FOXP4: variants seen among roughly 807,000 people sequenced by gnomAD.
FOXP4 encodes forkhead box protein P4.
Under a neutral mutation model 82.6 loss-of-function variants are expected in FOXP4, and 25 were observed. The observed-to-expected ratio is 0.30, with a 90% CI of 0.22 to 0.42. The LOEUF is 0.42. Ranked by LOEUF, FOXP4 falls within the 10% of genes least tolerant of loss-of-function variation. The probability of loss-of-function intolerance (pLI) is 1.00; values close to 1 mark genes in which losing one functional copy is unlikely to be tolerated. For missense variants in FOXP4, 785 were observed against 900.9 expected, an observed-to-expected ratio of 0.87 and a Z score of 1.65; for synonymous variants, 415 against 388.2, an observed-to-expected ratio of 1.07 and a Z score of -0.81.
At position 41,589,874 on chromosome 6, in the gene FOXP4, C is replaced by T. The variant is rs760611968; in HGVS notation, c.1149+20C>T. On this transcript the variant is annotated intron_variant, in intron 10 of 16. Coordinates refer to ENST00000307972, the MANE Select transcript of FOXP4 (RefSeq NM_001012426.2). Reference sequence around the variant, plus strand: ...CAGCCAGTGAGTGCTGCTCCCCTCCCCGCCCCTCCCAGAGCCTTCCACAGA... The same window carrying T: ...CAGCCAGTGAGTGCTGCTCCCCTCCTCGCCCCTCCCAGAGCCTTCCACAGA... 6.8e-6 allele frequency: 11 copies of T among 1,610,950 alleles called. No individual in the cohort carries two copies. Among genetic ancestry groups the T allele is most frequent in the Middle Eastern group, 1.7e-4 (1 of 6,060 alleles).
At chr6:41,592,450 C>T (rs1469214877) in intron 13 of FOXP4, among the ~76,000 whole-genome samples, 1 of 152,186 alleles carries the variant, frequency 6.6e-6, no homozygotes, top group Non-Finnish European at 1.5e-5. Context: ...TTCTGCCAAC[C>T]ACATTCCTGC....
chr6:41,579,051 C>A (rs568101308), intron 3 of FOXP4, among the ~76,000 whole-genome samples: 214 of 152,150 alleles, frequency 1.4e-3, no homozygotes, highest in Non-Finnish European at 2.6e-3. Flanking sequence ...CAGAGAAGGA[C>A]CCAGGACCAG....
At chr6:41,568,636 A>G (rs938143334) in intron 2 of FOXP4, among the ~76,000 whole-genome samples, 1 of 152,118 alleles carries the variant, frequency 6.6e-6, no homozygotes, top group African/African-American at 2.4e-5. Flanking sequence ...ACTCGATAGG[A>G]AGTGGGGTAG....
chr6:41,550,284 C>T (rs1040800031), intron 1 of FOXP4, among the ~76,000 whole-genome samples: 9 of 152,180 alleles, frequency 5.9e-5, no homozygotes, highest in Non-Finnish European at 1.2e-4. Context: ...ATAATACCCA[C>T]CTTAGAGATT....
At chr6:41,586,791 CGCGTGCGT>C (rs552889054) in intron 5 of FOXP4, among the ~76,000 whole-genome samples, 273 of 152,134 alleles carry the variant, frequency 1.8e-3, no homozygotes, top group African/African-American at 6.1e-3. Flanking sequence ...TGTGTTTGCG[CGCGTGCGT>C]GCGTGCGTGC....
chr6:41,587,219 C>T, intron 6 of FOXP4, 63 bp downstream of exon 6: 19 of 1,607,778 alleles, frequency 1.2e-5, no homozygotes, highest in Non-Finnish European at 1.6e-5. Flanking sequence ...TACGCAACAG[C>T]TGGCAGCCCC....
At chr6:41,584,377 TG>T (rs1765973067) in intron 3 of FOXP4, among the ~76,000 whole-genome samples, 1 of 152,228 alleles carries the variant, frequency 6.6e-6, no homozygotes, top group African/African-American at 2.4e-5. Context: ...TCCCCATTAC[TG>T]GGGGGAACCA....
chr6:41,560,391 A>G (rs1764500204), intron 1 of FOXP4, among the ~76,000 whole-genome samples: 1 of 152,198 alleles, frequency 6.6e-6, no homozygotes, highest in African/African-American at 2.4e-5. Context: ...CCCAGACTAT[A>G]TTATAGGTTT....
rs1764398180 is a variant in FOXP4 at position 41,558,432 on chromosome 6, C to T, written c.-16-7313C>T. Among the ~76,000 whole-genome samples, 2 of 152,170 alleles carry T rather than the reference C, an allele frequency of 1.3e-5. No individual in the cohort carries two copies. The highest frequency in any genetic ancestry group is 4.8e-5 in the African/African-American group (2 of 41,430). The stretch of plus-strand genomic sequence containing the variant: ...GTGGGTTGTAGCAAGACTTTCTGGA[C>T]TCCTGTAATTATAGTCACTACCCTT... On this transcript the variant is annotated intron_variant, in intron 1 of 16. Transcript: ENST00000307972. This position sits in a 1 kb window ranked among gnomAD's most constrained non-coding sequence, Gnocchi z 4.0.
intron 1 of FOXP4, 73 bp from the exon 2 acceptor site, chr6:41,565,672 T>C (rs1764832037): frequency 6.5e-6 from 9 of 1,380,282 alleles, no homozygotes; most frequent in Non-Finnish European, 7.9e-6. Flanking sequence ...GGTTATGTTT[T>C]TGGGGGTCAG....
In FOXP4 at chr6:41,567,865, C is replaced by T. The variant is rs529843986; in HGVS notation, c.204+1901C>T. On this transcript the variant is annotated intron_variant, in intron 2 of 16. Transcript: ENST00000307972. ...CCTGGAAAATCCTATATCTGTTTCA[C>T]AAATAAACTGGGGTGGGGAGTTGGA... Among the ~76,000 whole-genome samples, 4 of 152,266 alleles carry T rather than the reference C, an allele frequency of 2.6e-5. No homozygotes were observed. In the East Asian group the frequency reaches 5.8e-4, roughly 22 times the overall value.
rs1767237026 is a variant in FOXP4 at position 41,602,167 on chromosome 6, C to T, written c.*3231C>T. On this transcript the variant is annotated 3_prime_UTR_variant, in exon 17 of 17. Transcript: ENST00000307972. Reference sequence around the variant, plus strand: ...CTTGTGTAGGGCCTGGGGTGAATTCCCTGTCCCCCATGGTACCTCGAGAGG... The same window carrying T: ...CTTGTGTAGGGCCTGGGGTGAATTCTCTGTCCCCCATGGTACCTCGAGAGG... The T allele has an allele frequency of 6.6e-6, 1 of 152,226 alleles. No homozygotes were observed. Among genetic ancestry groups the T allele is most frequent in the African/African-American group, 2.4e-5 (1 of 41,440 alleles). 9.4% of individuals were successfully genotyped at this position (152,226 alleles called of 1,614,324 possible).
intron 5 of FOXP4, among the ~76,000 whole-genome samples, chr6:41,586,106 G>A (rs1162627422): frequency 2.6e-5 from 4 of 151,916 alleles, no homozygotes; most frequent in Non-Finnish European, 4.4e-5. Flanking sequence ...CTGCCCAACC[G>A]CAGCCCCAAG....
intron 13 of FOXP4, among the ~76,000 whole-genome samples, chr6:41,592,088 G>A (rs1766550173): frequency 6.6e-6 from 1 of 152,014 alleles, no homozygotes; most frequent in African/African-American, 2.4e-5. Flanking sequence ...GAGAGTGTTC[G>A]CCCCTGCAGG....
At chr6:41,547,320 A>G (rs1763696425) in intron 1 of FOXP4, 2 of 151,918 alleles carry the variant, frequency 1.3e-5, no homozygotes, top group South Asian at 4.2e-4. Context: ...CCCGAGTCAG[A>G]CAAAGAATAC....
At chr6:41,551,614 A>G (rs945309076) in intron 1 of FOXP4, among the ~76,000 whole-genome samples, 1 of 152,216 alleles carries the variant, frequency 6.6e-6, no homozygotes, top group Admixed American at 6.5e-5. Flanking sequence ...TCTGTGACCC[A>G]GGCTACCATG....
rs1304991714 is a variant in FOXP4 at position 41,549,181 on chromosome 6, C to A, written c.-17+2314C>A. Among the ~76,000 whole-genome samples the A allele has an allele frequency of 6.6e-5, 10 of 152,220 alleles. No homozygotes were observed. The South Asian group carries it at 1.9e-3, about 28-fold the overall frequency. ...TACTAAGTTTGGGAGACCATGGGAG[C>A]CTTCTCTCCTGGCACCAAGGGCTGG... is the stretch of plus-strand genomic sequence containing the variant. On this transcript the variant is annotated intron_variant, in intron 1 of 16. Coordinates refer to ENST00000307972, the MANE Select transcript of FOXP4 (RefSeq NM_001012426.2).
Position 41,587,805 on chromosome 6 carries a change from G to A in FOXP4, c.885G>A (p.Glu295=). The change falls in exon 8 of 17, where the codon GAG becomes GAA. Residue 295 remains glutamate, a synonymous_variant. Transcript: ENST00000307972. ...GCTGTCCTCCCAGCTCTTCCCACGAGGAGACCCCCGGCTCCCACCCCCTGT... is the reference window on the plus strand; with the variant it reads ...GCTGTCCTCCCAGCTCTTCCCACGAAGAGACCCCCGGCTCCCACCCCCTGT... ...LTSRRDSSSH[E]ETPGSHPLYG... 6.4e-7 allele frequency: 1 copy of A among 1,563,932 alleles called. No individual in the cohort carries two copies. Among genetic ancestry groups the A allele is most frequent in the Non-Finnish European group, 8.7e-7 (1 of 1,152,752 alleles).
chr6:41,595,363 C>T (rs1470650058), intron 14 of FOXP4, among the ~76,000 whole-genome samples: 1 of 152,216 alleles, frequency 6.6e-6, no homozygotes, highest in Non-Finnish European at 1.5e-5. Context: ...GGCACCCGCT[C>T]TCTCAGCTCA....
Sources: allele counts gnomAD v4.1 joint callset (sites outside exome capture counted in the v4.1 genomes callset), GRCh38; gene constraint gnomAD v4.1.1; non-coding constraint Gnocchi (gnomAD v3.1); transcripts MANE v1.5; gene names NCBI Gene and HGNC (gene_info 2026-07-23, HGNC 2026-07-21).